RFX3: variants seen among roughly 807,000 people sequenced by gnomAD.
RFX3 encodes the protein transcription factor RFX3.
RFX3 carries 14 observed loss-of-function variants against 98.6 expected under a neutral mutation model. The observed-to-expected ratio is 0.14, with a 90% confidence interval of 0.09 to 0.22. The LOEUF is 0.22. Among genes scored for constraint, RFX3 ranks in the 10% least tolerant of loss-of-function variants. The pLI is 1.00. For missense variants in RFX3, 639 were observed against 926.9 expected, an observed-to-expected ratio of 0.69 and a Z score of 4.03; for synonymous variants, 383 against 328.4, an observed-to-expected ratio of 1.17 and a Z score of -1.80.
chr9:3,385,036 T>C (rs1004887352), intron 2 of RFX3, among the ~76,000 whole-genome samples: 1 of 152,228 alleles, frequency 6.6e-6, no homozygotes, highest in Admixed American at 6.5e-5. Flanking sequence ...TACCTTTCTT[T>C]GACACACTGA....
At position 3,432,454 on chromosome 9, in the gene RFX3, ACCTGTGAAAGCTATCAAAG is replaced by A. The variant is rs1402910998; in HGVS notation, c.-8-36877_-8-36859del. Among the ~76,000 whole-genome samples, 21 of 152,198 alleles carry A rather than the reference ACCTGTGAAAGCTATCAAAG, an allele frequency of 1.4e-4. No homozygotes were observed. The South Asian group carries it at 2.7e-3, about 20-fold the overall frequency. On this transcript the variant is annotated intron_variant, in intron 1 of 16. Coordinates refer to ENST00000617270, the MANE Select transcript of RFX3 (RefSeq NM_001282116.2). ...AAGAGACCATGGTTGTTACAGAAAA[ACCTGTGAAAGCTATCAAAG>A]CCCAAACCATAAATTCCTGTTGGAC...
At chr9:3,290,182 T>G (rs1265762227) in intron 6 of RFX3, among the ~76,000 whole-genome samples, 3 of 151,224 alleles carry the variant, frequency 2.0e-5, no homozygotes, top group Non-Finnish European at 4.4e-5. Flanking sequence ...CAAACATAAC[T>G]GTAAACACTA....
intron 1 of RFX3, among the ~76,000 whole-genome samples, chr9:3,445,522 C>A (rs1003557342): frequency 5.3e-5 from 8 of 152,120 alleles, no homozygotes; most frequent in Admixed American, 6.5e-5. Flanking sequence ...TCCAATCTTA[C>A]AAAATCACTC....
At chr9:3,309,510 T>C (rs1312460616) in intron 4 of RFX3, among the ~76,000 whole-genome samples, 1 of 150,948 alleles carries the variant, frequency 6.6e-6, no homozygotes, top group Non-Finnish European at 1.5e-5. Context: ...GTGCCACATC[T>C]GTCCAAAAAT....
intron 3 of RFX3, among the ~76,000 whole-genome samples, chr9:3,332,009 G>C (rs1832657964): frequency 1.3e-5 from 2 of 152,102 alleles, no homozygotes; most frequent in South Asian, 4.1e-4. Flanking sequence ...TCTCAGTAGA[G>C]GGCAGCACCA....
chr9:3,437,650 C>T (rs1331880342), intron 1 of RFX3, among the ~76,000 whole-genome samples: 1 of 152,048 alleles, frequency 6.6e-6, no homozygotes, highest in East Asian at 1.9e-4. Flanking sequence ...CATACATAGA[C>T]TTCGTTCCAC....
In RFX3 at chr9:3,395,651, C is replaced by T. The variant is rs1044434740; in HGVS notation, c.-8-55G>A. The stretch of plus-strand genomic sequence containing the variant: ...TAAAATGTCACTCCTGCATGACTAG[C>T]TTCCTTACAATTGTTCTTAAAATCC... On this transcript the variant is annotated intron_variant, in intron 1 of 16. Coordinates refer to ENST00000617270, the MANE Select transcript of RFX3 (RefSeq NM_001282116.2). 5 of 1,583,228 alleles carry T rather than the reference C, an allele frequency of 3.2e-6. No individual in the cohort carries two copies. The African/African-American group carries it at 6.7e-5, about 21-fold the overall frequency.
At chr9:3,415,084 TTA>T (rs572480936) in intron 1 of RFX3, among the ~76,000 whole-genome samples, 1 of 91,544 alleles carries the variant, frequency 1.1e-5, no homozygotes, top group Admixed American at 1.1e-4. Flanking sequence ...ATATATATTC[TTA>T]TATATATACT....
At chr9:3,488,622 A>G (rs1419967131) in intron 1 of RFX3, among the ~76,000 whole-genome samples, 1 of 152,244 alleles carries the variant, frequency 6.6e-6, no homozygotes, top group Non-Finnish European at 1.5e-5. Flanking sequence ...TAACTCTGAA[A>G]TTGTAACTTC....
At chr9:3,314,076 T>A (rs1196643331) in intron 4 of RFX3, among the ~76,000 whole-genome samples, 2 of 152,094 alleles carry the variant, frequency 1.3e-5, no homozygotes, top group African/African-American at 4.8e-5. Flanking sequence ...ATTGTCAGAT[T>A]CACCAAAGTT....
chr9:3,502,084 C>T (rs1261228822), intron 1 of RFX3, among the ~76,000 whole-genome samples: 3 of 150,330 alleles, frequency 2.0e-5, no homozygotes, highest in Non-Finnish European at 3.0e-5. Flanking sequence ...ACCCCGTCTC[C>T]ACTAAAAAAA....
At chr9:3,386,732 C>T (rs1839762995) in intron 2 of RFX3, among the ~76,000 whole-genome samples, 1 of 152,072 alleles carries the variant, frequency 6.6e-6, no homozygotes, top group Non-Finnish European at 1.5e-5. Context: ...CAGAAGTGCA[C>T]AGTTTCAAGT....
chr9:3,369,123 T>C (rs1226575777), intron 2 of RFX3, among the ~76,000 whole-genome samples: 2 of 152,302 alleles, frequency 1.3e-5, no homozygotes, highest in South Asian at 2.1e-4. Context: ...AGGAAGACAG[T>C]GAAGAGTGCT....
intron 16 of RFX3, among the ~76,000 whole-genome samples, chr9:3,227,629 C>T (rs955497596): frequency 5.3e-5 from 8 of 152,076 alleles, no homozygotes; most frequent in African/African-American, 1.9e-4. Context: ...TTCTGGACAC[C>T]CTGGGATGAA....
At chr9:3,457,954 G>A (rs936793076) in intron 1 of RFX3, among the ~76,000 whole-genome samples, 2 of 152,082 alleles carry the variant, frequency 1.3e-5, no homozygotes, top group Non-Finnish European at 1.5e-5. Flanking sequence ...TGTGAGCAGA[G>A]TACAGAGCAA....
intron 4 of RFX3, among the ~76,000 whole-genome samples, chr9:3,316,109 C>T (rs143402044): frequency 2.7e-4 from 41 of 152,070 alleles, no homozygotes; most frequent in African/African-American, 4.1e-4. Context: ...TGATGAACAT[C>T]GATGCAAAAA....
intron 1 of RFX3, among the ~76,000 whole-genome samples, chr9:3,509,058 C>G (rs1410983091): frequency 5.3e-5 from 8 of 151,636 alleles, no homozygotes; most frequent in Admixed American, 1.3e-4. Context: ...CAGTCCCATA[C>G]TATTAAAAAG....
chr9:3,309,139 T>A (rs1829674587), intron 4 of RFX3, among the ~76,000 whole-genome samples: 1 of 152,194 alleles, frequency 6.6e-6, no homozygotes. Context: ...GAACGTCATT[T>A]CTTTTGAGTA....
intron 2 of RFX3, among the ~76,000 whole-genome samples, chr9:3,368,445 T>G (rs1214452366): frequency 2.0e-5 from 3 of 152,080 alleles, no homozygotes; most frequent in Admixed American, 2.0e-4. Flanking sequence ...AAGATAATGG[T>G]TTCAATTTCA....
Sources: allele counts gnomAD v4.1 joint callset (sites outside exome capture counted in the v4.1 genomes callset), GRCh38; gene constraint gnomAD v4.1.1; transcripts MANE v1.5; gene names NCBI Gene and HGNC (gene_info 2026-07-23, HGNC 2026-07-21).